Variants in EHBP1 observed in about 807,000 individuals in gnomAD.
EHBP1 encodes EH domain-binding protein 1.
EHBP1 carries 55 observed loss-of-function variants against 144.0 expected under a neutral mutation model. The observed-to-expected ratio is 0.38, with a 90% CI of 0.31 to 0.48. The LOEUF (loss-of-function observed/expected upper bound fraction) is 0.48, where lower values mean the gene tolerates loss of function less well. Among genes scored for constraint, EHBP1 ranks in the 20% least tolerant of loss-of-function variants. The pLI is 0.98. For missense variants in EHBP1, 1,200 were observed against 1,364.2 expected (o/e 0.88, Z 1.90); for synonymous variants, 469 against 472.7 (o/e 0.99, Z 0.10).
chr2:62,892,229 G>A (rs1188873618), intron 10 of EHBP1, among the ~76,000 whole-genome samples: 1 of 152,090 alleles, frequency 6.6e-6, no homozygotes, highest in Non-Finnish European at 1.5e-5. Context: ...TTATTGAAAC[G>A]AAATTGTTTA....
intron 1 of EHBP1, among the ~76,000 whole-genome samples, chr2:62,693,193 C>G (rs898054542): frequency 6.6e-6 from 1 of 152,194 alleles, no homozygotes; most frequent in South Asian, 2.1e-4. Flanking sequence ...AACAGTATCT[C>G]ATTCTTTTTT....
chr2:62,801,976 C>G (rs75314299), intron 5 of EHBP1, among the ~76,000 whole-genome samples: 2 of 152,270 alleles, frequency 1.3e-5, no homozygotes, highest in East Asian at 1.9e-4. Context: ...ACAAATATCC[C>G]AGGTGCTGCT....
chr2:62,905,706 C>T (rs2053754093), intron 10 of EHBP1, among the ~76,000 whole-genome samples: 2 of 151,986 alleles, frequency 1.3e-5, no homozygotes, highest in South Asian at 4.2e-4. Context: ...CGCCTGTAAT[C>T]CCAGCTACTT....
chr2:62,871,303 A>G (rs1168692207), intron 9 of EHBP1, among the ~76,000 whole-genome samples: 2 of 152,252 alleles, frequency 1.3e-5, no homozygotes, highest in African/African-American at 4.8e-5. Flanking sequence ...AACTAAAATC[A>G]GAATCATTGG....
intron 14 of EHBP1, among the ~76,000 whole-genome samples, chr2:62,978,401 C>G (rs1254235987): frequency 6.6e-6 from 1 of 152,026 alleles, no homozygotes; most frequent in African/African-American, 2.4e-5. Flanking sequence ...CGAGGTTTCA[C>G]CATGTTGGCC....
At chr2:62,939,822 G>T (rs1359551745) in intron 10 of EHBP1, 1 of 167,988 alleles carries the variant, frequency 6.0e-6, no homozygotes, top group Non-Finnish European at 1.3e-5. Context: ...TTAATATGAT[G>T]CCATTTTGAG....
At chr2:62,757,607 T>C (rs1029856833) in intron 3 of EHBP1, among the ~76,000 whole-genome samples, 1 of 151,692 alleles carries the variant, frequency 6.6e-6, no homozygotes. Context: ...CAAATTTTTG[T>C]GTTTTTAGTA....
intron 2 of EHBP1, among the ~76,000 whole-genome samples, chr2:62,746,378 T>C (rs1167122441): frequency 6.6e-6 from 1 of 152,002 alleles, no homozygotes; most frequent in Non-Finnish European, 1.5e-5. Context: ...TGGAGGCCTC[T>C]TATGTGTGTG....
At chr2:62,767,088 G>A (rs1204326292) in intron 4 of EHBP1, among the ~76,000 whole-genome samples, 1 of 151,850 alleles carries the variant, frequency 6.6e-6, no homozygotes, top group African/African-American at 2.4e-5. Flanking sequence ...CCGCTGATTT[G>A]CCATTTTGTC....
rs1271794992 is a variant in EHBP1, at chr2:62,942,855, A to C, written c.1323A>C (p.Leu441Phe). ...TTACTACATCGTGGAGAAATGGTTT[A>C]TCTTTTTGTGCAATATTACACCACT... Reference protein sequence around the residue: ...TNFTTSWRNGLSFCAILHHFR... With the variant: ...TNFTTSWRNGFSFCAILHHFR... The change falls in exon 11 of 23, where the codon TTA becomes TTC. Residue 441 changes from leucine to phenylalanine, a missense_variant. Transcript: ENST00000431489. The C allele has an allele frequency of 6.2e-7, 1 of 1,613,664 alleles. No homozygotes were observed. Among genetic ancestry groups the C allele is most frequent in the Non-Finnish European group, 8.5e-7 (1 of 1,179,764 alleles).
At chr2:62,991,927 T>C (rs1349560745) in intron 16 of EHBP1, among the ~76,000 whole-genome samples, 1 of 152,220 alleles carries the variant, frequency 6.6e-6, no homozygotes, top group Admixed American at 6.5e-5. Context: ...ACTTTTGGTC[T>C]CTATCTTTGA....
At chr2:62,786,097 T>C (rs995143115) in intron 5 of EHBP1, among the ~76,000 whole-genome samples, 9 of 152,184 alleles carry the variant, frequency 5.9e-5, no homozygotes, top group Admixed American at 3.9e-4. Context: ...TGTGATTCAG[T>C]TAAATAGATC....
intron 19 of EHBP1, among the ~76,000 whole-genome samples, chr2:63,034,782 C>G (rs143970880): frequency 6.6e-6 from 1 of 151,990 alleles, no homozygotes; most frequent in East Asian, 1.9e-4. Flanking sequence ...TTAATGAGCT[C>G]TTACTTAATC....
intron 2 of EHBP1, among the ~76,000 whole-genome samples, chr2:62,744,190 C>G (rs1007164737): frequency 6.6e-6 from 1 of 151,970 alleles, no homozygotes; most frequent in African/African-American, 2.4e-5. Flanking sequence ...AAATGTGTAT[C>G]ATATATAGGG....
intron 2 of EHBP1, among the ~76,000 whole-genome samples, chr2:62,712,208 A>G (rs989331717): frequency 6.6e-6 from 1 of 152,184 alleles, no homozygotes; most frequent in Non-Finnish European, 1.5e-5. Context: ...AGCAGGGACC[A>G]TTCATTGTTA....
chr2:62,890,214 G>A (rs1367998028), intron 10 of EHBP1, among the ~76,000 whole-genome samples: 2 of 152,222 alleles, frequency 1.3e-5, no homozygotes, highest in East Asian at 3.9e-4. Flanking sequence ...GGAATTACAA[G>A]CATGAGCCAC....
At chr2:62,700,971 T>C (rs1380521077), upstream of EHBP1, among the ~76,000 whole-genome samples, 1 of 152,218 alleles carries the variant, frequency 6.6e-6, no homozygotes, top group African/African-American at 2.4e-5. Flanking sequence ...TCAGATACCA[T>C]AGATAGATCC....
At chr2:62,739,176 A>T (rs1558582216) in intron 2 of EHBP1, among the ~76,000 whole-genome samples, 1 of 152,216 alleles carries the variant, frequency 6.6e-6, no homozygotes, top group South Asian at 2.1e-4. Context: ...AGTTGTCTTC[A>T]TGTGATTCTT....
At chr2:63,009,013 T>C (rs556586263) in intron 19 of EHBP1, among the ~76,000 whole-genome samples, 35 of 151,810 alleles carry the variant, frequency 2.3e-4, no homozygotes, top group Admixed American at 2.0e-3. Flanking sequence ...GAAACAGATA[T>C]ACCGTGGAAT....
Sources: allele counts gnomAD v4.1 joint callset (sites outside exome capture counted in the v4.1 genomes callset), GRCh38; gene constraint gnomAD v4.1.1; transcripts MANE v1.5; gene names NCBI Gene and HGNC (gene_info 2026-07-23, HGNC 2026-07-21).